RBFOX2: variants seen among roughly 807,000 people sequenced by gnomAD.
The protein encoded by RBFOX2 is RNA binding fox-1 homolog 2, also known as RNA binding protein fox-1 homolog 2.
Under a neutral mutation model 49.1 loss-of-function variants are expected in RBFOX2, and 10 were observed. That is an observed-to-expected ratio of 0.20 (90% CI 0.13 to 0.35). The LOEUF (loss-of-function observed/expected upper bound fraction) is 0.35, where lower values mean the gene tolerates loss of function less well. Ranked by LOEUF, RBFOX2 falls within the 10% of genes least tolerant of loss-of-function variation. The pLI is 1.00. For synonymous variants in RBFOX2, 183 were observed against 187.4 expected, an observed-to-expected ratio of 0.98 and a Z score of 0.19; for missense variants, 323 against 486.9, an observed-to-expected ratio of 0.66 and a Z score of 3.17.
chr22:36,021,449 G>A (rs1027690810), intron 1 of RBFOX2, among the ~76,000 whole-genome samples: 4 of 151,644 alleles, frequency 2.6e-5, no homozygotes, highest in East Asian at 1.9e-4. Flanking sequence ...TATATCCTAC[G>A]GTCTCAGATT....
At chr22:35,972,660 C>A (rs1040754857) in intron 1 of RBFOX2, among the ~76,000 whole-genome samples, 1 of 152,174 alleles carries the variant, frequency 6.6e-6, no homozygotes, top group Admixed American at 6.5e-5. Context: ...AGAGTACACA[C>A]AAAACTGGCC....
At chr22:35,890,290 C>T (rs1288344632) in intron 1 of RBFOX2, among the ~76,000 whole-genome samples, 1 of 152,084 alleles carries the variant, frequency 6.6e-6, no homozygotes, top group Non-Finnish European at 1.5e-5. Flanking sequence ...CAGGTAGTGT[C>T]CCTCATCTGT....
At chr22:35,944,564 T>C (rs897646844) in intron 1 of RBFOX2, among the ~76,000 whole-genome samples, 5 of 152,224 alleles carry the variant, frequency 3.3e-5, no homozygotes, top group African/African-American at 9.6e-5. Flanking sequence ...AAAGCTCTGC[T>C]TTCCATACAG....
chr22:35,974,321 A>G (rs2057032933), intron 1 of RBFOX2, among the ~76,000 whole-genome samples: 1 of 152,174 alleles, frequency 6.6e-6, no homozygotes, highest in South Asian at 2.1e-4. Flanking sequence ...CAGTTGCTTT[A>G]TTTCTGTAAA....
At chr22:36,008,408 A>C (rs1250867375) in intron 1 of RBFOX2, among the ~76,000 whole-genome samples, 1 of 152,166 alleles carries the variant, frequency 6.6e-6, no homozygotes, top group Non-Finnish European at 1.5e-5. Flanking sequence ...TAAATAACCA[A>C]AGTGTTTAAA....
chr22:35,842,936 C>T (rs1033712767), upstream of RBFOX2, among the ~76,000 whole-genome samples: 5 of 152,114 alleles, frequency 3.3e-5, no homozygotes, highest in African/African-American at 1.2e-4. Flanking sequence ...CAATATTTTA[C>T]AGTGCAAATA....
At chr22:35,863,946 A>C (rs1342772426) in intron 1 of RBFOX2, among the ~76,000 whole-genome samples, 2 of 152,202 alleles carry the variant, frequency 1.3e-5, no homozygotes, top group Non-Finnish European at 2.9e-5. Context: ...ACCTAAAGTG[A>C]GTTCCTTAAC....
intron 1 of RBFOX2, among the ~76,000 whole-genome samples, chr22:35,852,421 T>C (rs759595772): frequency 3.1e-4 from 47 of 150,098 alleles, no homozygotes; most frequent in Non-Finnish European, 1.3e-4. Flanking sequence ...TCCCAGCTAC[T>C]AGGGAGGATC....
At chr22:35,905,326 A>C (rs1410397485) in intron 1 of RBFOX2, among the ~76,000 whole-genome samples, 1 of 152,234 alleles carries the variant, frequency 6.6e-6, no homozygotes, top group South Asian at 2.1e-4. Flanking sequence ...ATATATGTCA[A>C]AATGGTGCCA....
At chr22:35,752,099 C>T (rs937778639) in intron 9 of RBFOX2, among the ~76,000 whole-genome samples, 14 of 152,106 alleles carry the variant, frequency 9.2e-5, no homozygotes, top group African/African-American at 3.4e-4. Context: ...TGTTTGAGTC[C>T]CATATGTCTA....
At chr22:35,847,195 G>A (rs2041327970) in intron 1 of RBFOX2, among the ~76,000 whole-genome samples, 2 of 152,136 alleles carry the variant, frequency 1.3e-5, no homozygotes, top group South Asian at 2.1e-4. Flanking sequence ...TAGGTTCTAC[G>A]AAAATTATAA....
intron 1 of RBFOX2, among the ~76,000 whole-genome samples, chr22:35,912,823 T>A (rs1211997554): frequency 2.0e-5 from 3 of 152,156 alleles, no homozygotes. Flanking sequence ...AAGAAAGAAC[T>A]GAGGTTTGAA....
chr22:35,870,095 GT>G (rs555162462), intron 1 of RBFOX2, among the ~76,000 whole-genome samples: 2 of 152,126 alleles, frequency 1.3e-5, no homozygotes, highest in Non-Finnish European at 2.9e-5. Flanking sequence ...CTTTCAAAAG[GT>G]TCAAAATAGT....
At chr22:35,839,404 G>T (rs1343629577) in intron 1 of RBFOX2, among the ~76,000 whole-genome samples, 2 of 151,802 alleles carry the variant, frequency 1.3e-5, no homozygotes, top group Non-Finnish European at 2.9e-5. Flanking sequence ...AAAAGGATGA[G>T]GAGAGAAAGG....
chr22:36,022,485 TCTGA>T (rs1172296919), intron 1 of RBFOX2, among the ~76,000 whole-genome samples: 6 of 152,214 alleles, frequency 3.9e-5, no homozygotes, highest in African/African-American at 1.4e-4. Flanking sequence ...TGAAATCAGA[TCTGA>T]CTTTCTCCTT....
chr22:35,965,142 T>C (rs1043955856), upstream of RBFOX2, among the ~76,000 whole-genome samples: 2 of 152,160 alleles, frequency 1.3e-5, no homozygotes, highest in African/African-American at 4.8e-5. Flanking sequence ...GAAGATGCCA[T>C]GGAGAATGAG....
intron 1 of RBFOX2, among the ~76,000 whole-genome samples, chr22:35,816,243 A>C (rs1953015558): frequency 1.3e-5 from 2 of 152,140 alleles, no homozygotes; most frequent in Admixed American, 1.3e-4. Context: ...TCAGTATCTA[A>C]AATATTCTCG....
chr22:35,980,390 T>C (rs534401967), intron 1 of RBFOX2, among the ~76,000 whole-genome samples: 1 of 152,346 alleles, frequency 6.6e-6, no homozygotes, highest in East Asian at 1.9e-4. Context: ...GTGGTGAGAT[T>C]AGAACTATTT....
intron 1 of RBFOX2, among the ~76,000 whole-genome samples, chr22:35,856,398 CTCTT>C (rs1014155604): frequency 1.3e-5 from 2 of 152,172 alleles, no homozygotes; most frequent in African/African-American, 4.8e-5. Context: ...GTTTTCTTCT[CTCTT>C]TTTCTTTCCC....
Sources: allele counts gnomAD v4.1 joint callset (sites outside exome capture counted in the v4.1 genomes callset), GRCh38; gene constraint gnomAD v4.1.1; transcripts MANE v1.5; gene names NCBI Gene and HGNC (gene_info 2026-07-23, HGNC 2026-07-21).